Variants in LRRC8C observed in about 807,000 individuals in gnomAD.
The protein encoded by LRRC8C is volume-regulated anion channel subunit LRRC8C.
A neutral mutation model predicts 55.3 loss-of-function variants in LRRC8C; 20 were observed. The ratio of observed to expected loss-of-function variants is 0.36; its 90% CI spans 0.25 to 0.53. The LOEUF (loss-of-function observed/expected upper bound fraction) is 0.53. Ranked by LOEUF, LRRC8C falls within the 20% of genes least tolerant of loss-of-function variation. The pLI is 0.92. For missense variants in LRRC8C, 659 were observed against 951.4 expected (o/e 0.69, Z 4.04); for synonymous variants, 376 against 360.7 (o/e 1.04, Z -0.48).
chr1:89,643,183 T>C (rs1656516717), intron 1 of LRRC8C, among the ~76,000 whole-genome samples: 2 of 152,176 alleles, frequency 1.3e-5, no homozygotes, highest in Admixed American at 1.3e-4. Flanking sequence ...CCTCTACCTC[T>C]GAGACTCAAG....
chr1:89,650,283 T>G (rs1381860579), intron 1 of LRRC8C, among the ~76,000 whole-genome samples: 1 of 152,160 alleles, frequency 6.6e-6, no homozygotes, highest in Non-Finnish European at 1.5e-5. Flanking sequence ...GTCAAAGATT[T>G]ATTTAACTCA....
At chr1:89,695,175 G>A (rs986158664) in intron 2 of LRRC8C, among the ~76,000 whole-genome samples, 2 of 152,022 alleles carry the variant, frequency 1.3e-5, no homozygotes, top group African/African-American at 4.8e-5. Context: ...GCCCCCCTCG[G>A]GCTCCCAAAG....
chr1:89,676,564 G>A (rs540551242), intron 1 of LRRC8C, among the ~76,000 whole-genome samples: 1 of 152,276 alleles, frequency 6.6e-6, no homozygotes, highest in East Asian at 1.9e-4. Flanking sequence ...ACTACAAAAT[G>A]CTCGATTGGG....
In LRRC8C at chr1:89,655,855, G is replaced by A. The variant is rs10922686; in HGVS notation, c.-5+22533G>A. Among the ~76,000 whole-genome samples the A allele has an allele frequency of 7.9e-3, 1,203 of 152,322 alleles. 24 individuals carry two copies. The highest frequency in any genetic ancestry group is 0.047 in the Admixed American group (720 of 15,298). On this transcript the variant is annotated intron_variant, in intron 1 of 2. Coordinates refer to ENST00000370454, the MANE Select transcript of LRRC8C (RefSeq NM_032270.5). ...CTGCATCCCATCTCAGAGGTGGGGA[G>A]GAAGGTATATGGAGGGCTCCTTTAA...
Position 89,633,629 on chromosome 1 carries a change from G to C in LRRC8C, c.-5+307G>C, listed in dbSNP as rs567522840. ...GCGGCAGGTCCTGCAGACTGGGCGCGGGGGTGGGGGGGCGGTCCGCGAGGG... is the reference window on the plus strand; with the variant it reads ...GCGGCAGGTCCTGCAGACTGGGCGCCGGGGTGGGGGGGCGGTCCGCGAGGG... On this transcript the variant is annotated intron_variant, in intron 1 of 2. Transcript: ENST00000370454. Among the ~76,000 whole-genome samples the C allele has an allele frequency of 2.6e-3, 395 of 150,734 alleles. 1 individual carries two copies. Among genetic ancestry groups the C allele is most frequent in the African/African-American group, 9.5e-3 (381 of 40,038 alleles).
intron 1 of LRRC8C, among the ~76,000 whole-genome samples, chr1:89,652,355 G>C (rs1474379450): frequency 2.0e-5 from 3 of 152,104 alleles, no homozygotes; most frequent in African/African-American, 7.2e-5. Context: ...TGAATCTGAG[G>C]AGCAATTTTG....
At chr1:89,669,600 C>T (rs1340256704) in intron 1 of LRRC8C, among the ~76,000 whole-genome samples, 3 of 152,116 alleles carry the variant, frequency 2.0e-5, no homozygotes, top group African/African-American at 2.4e-5. Context: ...CCCCAGCAAT[C>T]CTGTGAAGCA....
At chr1:89,707,413 AC>A (rs971941271) in intron 2 of LRRC8C, among the ~76,000 whole-genome samples, 1 of 150,034 alleles carries the variant, frequency 6.7e-6, no homozygotes, top group African/African-American at 2.5e-5. Flanking sequence ...TCTAAAAAAA[AC>A]AAAAACAAAA....
chr1:89,710,127 G>A (rs909479476), intron 2 of LRRC8C, among the ~76,000 whole-genome samples: 1 of 152,146 alleles, frequency 6.6e-6, no homozygotes, highest in Non-Finnish European at 1.5e-5. Flanking sequence ...TGTGCTCAAG[G>A]AAGCACATTC....
chr1:89,657,487 A>G (rs1185348971), intron 1 of LRRC8C, among the ~76,000 whole-genome samples: 1 of 152,192 alleles, frequency 6.6e-6, no homozygotes, highest in African/African-American at 2.4e-5. Context: ...TCACACCTGT[A>G]TACCCAACAC....
chr1:89,638,440 C>T (rs1300227484), intron 1 of LRRC8C, among the ~76,000 whole-genome samples: 1 of 150,442 alleles, frequency 6.6e-6, no homozygotes, highest in African/African-American at 2.5e-5. Context: ...TTTGTTACCC[C>T]GCCTTCACCT....
chr1:89,646,022 A>G (rs919034212), intron 1 of LRRC8C, among the ~76,000 whole-genome samples: 15 of 148,636 alleles, frequency 1.0e-4, no homozygotes, highest in Admixed American at 6.8e-4. Context: ...ATATTATGAA[A>G]CTTTTAATAT....
chr1:89,619,534 T>C, the LRRC8C span, among the ~76,000 whole-genome samples: 1 of 150,536 alleles, frequency 6.6e-6, no homozygotes, highest in Non-Finnish European at 1.5e-5. Flanking sequence ...GTAATAAGTA[T>C]TCATTATGTT....
intron 2 of LRRC8C, among the ~76,000 whole-genome samples, chr1:89,697,347 C>T (rs1055078386): frequency 9.9e-5 from 15 of 152,108 alleles, no homozygotes; most frequent in African/African-American, 3.4e-4. Flanking sequence ...GTTCATACAT[C>T]GAAGATAATC....
intron 1 of LRRC8C, among the ~76,000 whole-genome samples, chr1:89,672,690 A>G (rs1039095214): frequency 6.6e-6 from 1 of 152,182 alleles, no homozygotes; most frequent in Non-Finnish European, 1.5e-5. Context: ...TTCTCACGAT[A>G]ATCCCAAGAC....
chr1:89,624,451 G>T, the LRRC8C span, among the ~76,000 whole-genome samples: 1 of 152,182 alleles, frequency 6.6e-6, no homozygotes, highest in African/African-American at 2.4e-5. Context: ...TTTCTGAAAG[G>T]ATGTCATGGA....
intron 2 of LRRC8C, among the ~76,000 whole-genome samples, chr1:89,698,933 C>A (rs1658243492): frequency 6.6e-6 from 1 of 150,940 alleles, no homozygotes; most frequent in Admixed American, 6.6e-5. Context: ...TAAGCATCAT[C>A]ATCATTAAAA....
At chr1:89,645,408 A>G (rs1656581855) in intron 1 of LRRC8C, among the ~76,000 whole-genome samples, 7 of 152,178 alleles carry the variant, frequency 4.6e-5, no homozygotes, top group Admixed American at 4.6e-4. Context: ...ATGTCCTGGA[A>G]AGAGAAGAGA....
At chr1:89,697,187 A>T (rs1482159448) in intron 2 of LRRC8C, among the ~76,000 whole-genome samples, 1 of 152,166 alleles carries the variant, frequency 6.6e-6, no homozygotes, top group East Asian at 1.9e-4. Context: ...ATATCATCTC[A>T]CTTGGGGAGA....
Sources: allele counts gnomAD v4.1 joint callset (sites outside exome capture counted in the v4.1 genomes callset), GRCh38; gene constraint gnomAD v4.1.1; transcripts MANE v1.5; gene names NCBI Gene and HGNC (gene_info 2026-07-23, HGNC 2026-07-21).